The following PCDHA7 variants were observed in gnomAD, a reference collection of about 807,000 sequenced individuals.
The protein encoded by PCDHA7 is protocadherin alpha-7.
In PCDHA7, 37 loss-of-function variants were observed where a neutral mutation model predicts 57.2. That is an observed-to-expected ratio of 0.65 (90% confidence interval 0.50 to 0.85). PCDHA7 has a LOEUF of 0.85. PCDHA7 is among the 40% of genes least tolerant of loss of function. The pLI, the probability that PCDHA7 is intolerant of heterozygous loss-of-function variation, is 0.00. For synonymous variants in PCDHA7, 553 were observed against 558.8 expected (o/e 0.99, Z 0.15); for missense variants, 1,188 against 1,241.8 (o/e 0.96, Z 0.65).
rs1446194845 is a variant in PCDHA7 at position 140,858,041 on chromosome 5, C to T, written c.2355+21303C>T. 8 of 1,596,732 alleles carry T rather than the reference C, an allele frequency of 5.0e-6. No homozygotes were observed. The African/African-American group carries it at 6.8e-5, about 14-fold the overall frequency. On this transcript the variant is annotated intron_variant, in intron 1 of 3. Transcript: ENST00000525929. ...GTCGCTGACGGCCACGGCCACTGTG[C>T]TTGTGTCGCTTGTGGAGGGCAGCCA...
chr5:140,913,035 T>C (rs1277110200), intron 1 of PCDHA7, among the ~76,000 whole-genome samples: 2 of 152,242 alleles, frequency 1.3e-5, no homozygotes, highest in African/African-American at 4.8e-5. Context: ...TCATCAGATA[T>C]ATTGGCCTGG....
chr5:140,849,038 C>T, intron 1 of PCDHA7: 5 of 1,575,008 alleles, frequency 3.2e-6, no homozygotes, highest in Non-Finnish European at 4.3e-6. Context: ...TCTTCCTGGA[C>T]GTGCCAACCA....
intron 1 of PCDHA7, chr5:140,882,864 C>T (rs2059340057): frequency 6.2e-7 from 1 of 1,614,200 alleles, no homozygotes; most frequent in East Asian, 2.2e-5. Flanking sequence ...CTGAGGAAAA[C>T]ACTGGACAGA....
intron 1 of PCDHA7, chr5:140,966,887 G>A: frequency 6.3e-7 from 1 of 1,592,682 alleles, no homozygotes. Flanking sequence ...TGGCCCTGCG[G>A]CCTCCCAGCT....
chr5:141,007,844 C>T (rs782712601), intron 3 of PCDHA7, among the ~76,000 whole-genome samples: 3 of 152,176 alleles, frequency 2.0e-5, no homozygotes, highest in Non-Finnish European at 4.4e-5. Context: ...ATTAGAGACT[C>T]AAAGTCCTTA....
intron 1 of PCDHA7, chr5:140,869,272 G>A: frequency 6.2e-7 from 1 of 1,613,572 alleles, no homozygotes; most frequent in Non-Finnish European, 8.5e-7. Flanking sequence ...GCTGGAGCTG[G>A]CGGAGCTGGT....
intron 1 of PCDHA7, among the ~76,000 whole-genome samples, chr5:140,971,045 T>C (rs2096453995): frequency 6.6e-6 from 1 of 152,090 alleles, no homozygotes; most frequent in East Asian, 1.9e-4. Context: ...CGTAAAAGGG[T>C]TTAGCTTTAA....
intron 3 of PCDHA7, among the ~76,000 whole-genome samples, chr5:140,995,529 C>T (rs1191657600): frequency 6.6e-6 from 1 of 152,078 alleles, no homozygotes. Context: ...GAAATCAAAC[C>T]TCAAATAAGG....
At chr5:140,865,675 A>G (rs564629506) in intron 1 of PCDHA7, 8 of 152,324 alleles carry the variant, frequency 5.3e-5, no homozygotes, top group African/African-American at 1.9e-4. Flanking sequence ...AACAATTTCT[A>G]AAGTACATAT....
rs141028628 is a variant in PCDHA7 at position 140,891,378 on chromosome 5, T to A, written c.2355+54640T>A. Among the ~76,000 whole-genome samples the A allele has an allele frequency of 2.3e-4, 35 of 152,222 alleles. 1 individual carries two copies. The East Asian group carries it at 6.8e-3, about 29-fold the overall frequency. On this transcript the variant is annotated intron_variant, in intron 1 of 3. Coordinates refer to ENST00000525929, the MANE Select transcript of PCDHA7 (RefSeq NM_018910.3). ...CACCTGAGCAGTATACATTGCACCA[T>A]ATTTGCAATCTTTTATCCCTCGCCA...
intron 1 of PCDHA7, chr5:140,843,312 C>G: frequency 1.3e-6 from 2 of 1,596,048 alleles, no homozygotes; most frequent in South Asian, 1.1e-5. Context: ...GCCACGGCCA[C>G]GGTTCTGGTG....
chr5:140,918,833 G>A (rs2078883719), intron 1 of PCDHA7, among the ~76,000 whole-genome samples: 1 of 152,084 alleles, frequency 6.6e-6, no homozygotes, highest in African/African-American at 2.4e-5. Context: ...CCCCTCCCCA[G>A]ACACTAAATC....
chr5:140,969,542 C>A, intron 1 of PCDHA7: 1 of 1,279,482 alleles, frequency 7.8e-7, no homozygotes, highest in Non-Finnish European at 1.1e-6. Context: ...TTTTCAGAGG[C>A]ATGAAGCCTT....
chr5:140,950,556 A>G (rs2094497175), intron 1 of PCDHA7, among the ~76,000 whole-genome samples: 2 of 152,036 alleles, frequency 1.3e-5, no homozygotes, highest in Non-Finnish European at 2.9e-5. Context: ...CTGGGGGGAC[A>G]CTTATTTTAA....
rs1314619067 is a variant in PCDHA7 at position 140,835,422 on chromosome 5, G to A, written c.1039G>A (p.Ala347Thr). Residue 347 changes from alanine to threonine, a missense_variant, in exon 1 of 4, where the codon GCT becomes ACT. Around this residue, in one of 3 missense-constraint regions of PCDHA7, gnomAD observed 102 missense variants for 267.4 expected, o/e 0.38. Transcript: ENST00000525929. The stretch of plus-strand genomic sequence containing the variant: ...GGAAGTTGTGGATGTAAATGACAAT[G>A]CTCCACAGTTGACTCTCACTTCCCT... ...LVEVVDVNDN[A>T]PQLTLTSLSL... 1.4e-5 allele frequency: 23 copies of A among 1,613,834 alleles called. No individual in the cohort carries two copies. The highest frequency in any genetic ancestry group is 1.9e-5 in the Non-Finnish European group (22 of 1,179,890).
intron 2 of PCDHA7, among the ~76,000 whole-genome samples, chr5:140,979,495 G>A (rs1405180713): frequency 6.6e-6 from 1 of 151,840 alleles, no homozygotes; most frequent in Non-Finnish European, 1.5e-5. Context: ...ACCTATTAGA[G>A]CCTCCTCATC....
At chr5:140,912,237 A>T (rs2075827332) in intron 1 of PCDHA7, among the ~76,000 whole-genome samples, 2 of 152,122 alleles carry the variant, frequency 1.3e-5, no homozygotes, top group South Asian at 4.2e-4. Flanking sequence ...CACTGACTCA[A>T]ATGTTAATCT....
chr5:140,947,704 G>T (rs1199039011), intron 1 of PCDHA7, among the ~76,000 whole-genome samples: 2 of 151,488 alleles, frequency 1.3e-5, no homozygotes, highest in East Asian at 3.9e-4. Flanking sequence ...GTAGTTTTAA[G>T]TATTGAGGTT....
At chr5:140,931,793 A>C (rs979670484) in intron 1 of PCDHA7, among the ~76,000 whole-genome samples, 33 of 151,972 alleles carry the variant, frequency 2.2e-4, no homozygotes, top group African/African-American at 7.7e-4. Context: ...TATTGATCTG[A>C]TCTTAATTCT....
Sources: allele counts gnomAD v4.1 joint callset (sites outside exome capture counted in the v4.1 genomes callset), GRCh38; gene constraint gnomAD v4.1.1; regional missense constraint gnomAD v4.1.1; transcripts MANE v1.5; gene names NCBI Gene and HGNC (gene_info 2026-07-23, HGNC 2026-07-21).